The following SP100 variants were observed in gnomAD, a reference collection of about 807,000 sequenced individuals.
The protein encoded by SP100 is SP100 nuclear body protein.
Under a neutral mutation model 130.0 loss-of-function variants are expected in SP100, and 84 were observed. The ratio of observed to expected loss-of-function variants is 0.65; its 90% confidence interval spans 0.54 to 0.77. SP100 has a LOEUF of 0.77. SP100 is among the 30% of genes least tolerant of loss of function. SP100 has a pLI of 0.00. For missense variants in SP100, 978 were observed against 1,052.2 expected (o/e 0.93, Z 0.97); for synonymous variants, 331 against 351.7 (o/e 0.94, Z 0.66).
intron 19 of SP100, among the ~76,000 whole-genome samples, chr2:230,499,410 C>T (rs529558926): frequency 1.3e-4 from 17 of 134,760 alleles, no homozygotes; most frequent in African/African-American, 4.6e-4. Flanking sequence ...ACAAATTTGT[C>T]ATCTAAAAGA....
intron 2 of SP100, among the ~76,000 whole-genome samples, chr2:230,423,823 G>A (rs73095010): frequency 0.013 from 1,980 of 152,248 alleles, 50 homozygotes; most frequent in African/African-American, 0.042. Context: ...GGGGGAAGTC[G>A]TCCTCTGTCC....
intron 8 of SP100, among the ~76,000 whole-genome samples, chr2:230,458,267 A>C (rs1481214024): frequency 6.6e-6 from 1 of 152,252 alleles, no homozygotes; most frequent in Non-Finnish European, 1.5e-5. Context: ...CTCACAATGA[A>C]GTAAGATCTC....
At chr2:230,428,690 C>T (rs1186731720) in intron 2 of SP100, among the ~76,000 whole-genome samples, 1 of 152,074 alleles carries the variant, frequency 6.6e-6, no homozygotes, top group Non-Finnish European at 1.5e-5. Context: ...GATCCACCCA[C>T]CTCGGCCTCC....
intron 24 of SP100, among the ~76,000 whole-genome samples, chr2:230,514,363 A>G (rs1339041976): frequency 3.0e-5 from 3 of 100,116 alleles, no homozygotes; most frequent in Middle Eastern, 5.8e-3. Context: ...AGAATGGGGG[A>G]AAAAAAACCT....
rs537953315 is a variant in SP100 at position 230,430,260 on chromosome 2, C to T, written c.107+12595C>T. 2.6e-5 allele frequency among the ~76,000 whole-genome samples: 4 copies of T among 152,310 alleles called. No homozygotes were observed. In the South Asian group the frequency reaches 8.3e-4, roughly 32 times the overall value. On this transcript the variant is annotated intron_variant, in intron 2 of 28. Coordinates refer to ENST00000340126, the MANE Select transcript of SP100 (RefSeq NM_001080391.2). ...GGTTGGGTAAGGCCACTGCTGCTCT[C>T]TATGGTTGTTTGGATGTTTTGACTG...
chr2:230,444,578 A>T (rs552668779), intron 4 of SP100, among the ~76,000 whole-genome samples: 21 of 152,306 alleles, frequency 1.4e-4, no homozygotes, highest in African/African-American at 4.8e-4. Flanking sequence ...CCAGAGCCAC[A>T]CTGGCATCAG....
At chr2:230,422,826 C>G (rs907764506) in intron 2 of SP100, among the ~76,000 whole-genome samples, 2 of 152,160 alleles carry the variant, frequency 1.3e-5, no homozygotes, top group Non-Finnish European at 2.9e-5. Context: ...CCTACATGGT[C>G]ATGCCATATG....
intron 2 of SP100, among the ~76,000 whole-genome samples, chr2:230,421,091 A>G (rs10205096): frequency 0.49 from 74,745 of 151,894 alleles, 19,011 homozygotes; most frequent in Middle Eastern, 0.56. Context: ...GTCATCTACT[A>G]TATTATGATT....
rs768984941 is a variant in SP100 at position 230,498,569 on chromosome 2, C to T, written c.1720+34C>T. On this transcript the variant is annotated intron_variant, in intron 19 of 28. Coordinates refer to ENST00000340126, the MANE Select transcript of SP100 (RefSeq NM_001080391.2). ...AAAAAAATACATTTTAAATAAATAA[C>T]GTCTAAATTCTCATGCTCTTAGTAA... The T allele has an allele frequency of 2.7e-5, 32 of 1,168,392 alleles. No individual in the cohort carries two copies. In the South Asian group the frequency reaches 2.8e-4, roughly 10 times the overall value. 72.4% of individuals were successfully genotyped at this position (1,168,392 alleles called of 1,614,324 possible). A position where few individuals can be genotyped will look rare whatever the true frequency, so the allele number is the denominator to read the frequency against.
intron 8 of SP100, among the ~76,000 whole-genome samples, chr2:230,456,802 A>G (rs1031156974): frequency 6.6e-6 from 1 of 152,018 alleles, no homozygotes; most frequent in Non-Finnish European, 1.5e-5. Context: ...CATTTTGGTC[A>G]TTTATTGTCT....
At chr2:230,517,382 G>T (rs889257107) in intron 24 of SP100, among the ~76,000 whole-genome samples, 1 of 152,154 alleles carries the variant, frequency 6.6e-6, no homozygotes, top group African/African-American at 2.4e-5. Context: ...AAGTTGTATG[G>T]ATGTAAAAAT....
In SP100 at chr2:230,544,669, C is replaced by T. The variant is rs551926683; in HGVS notation, c.*1723C>T. On this transcript the variant is annotated 3_prime_UTR_variant, in exon 29 of 29. Transcript: ENST00000340126. ...GACTGATTTTGTATTTTAGTAGAGA[C>T]GGGGTTTCTCCACATTGGTCAGGCT... Among the ~76,000 whole-genome samples the T allele has an allele frequency of 3.3e-5, 5 of 152,046 alleles. No individual in the cohort carries two copies. The highest frequency in any genetic ancestry group is 2.1e-4 in the South Asian group (1 of 4,812).
chr2:230,420,455 G>T (rs565190509), intron 2 of SP100, among the ~76,000 whole-genome samples: 33 of 152,182 alleles, frequency 2.2e-4, no homozygotes, highest in African/African-American at 7.2e-4. Flanking sequence ...CAGTAAAAAT[G>T]AACATTTTAG....
intron 10 of SP100, among the ~76,000 whole-genome samples, chr2:230,463,368 T>C (rs1416267487): frequency 6.6e-6 from 1 of 152,222 alleles, no homozygotes; most frequent in African/African-American, 2.4e-5. Context: ...ATAACATAAG[T>C]ATGCAAATTG....
At position 230,521,080 on chromosome 2, in the gene SP100, G is replaced by A. The variant is rs576853958; in HGVS notation, c.2094+9914G>A. 1.1e-4 allele frequency among the ~76,000 whole-genome samples: 17 copies of A among 152,312 alleles called. No individual in the cohort carries two copies. The South Asian group carries it at 3.3e-3, about 30-fold the overall frequency. The stretch of plus-strand genomic sequence containing the variant: ...GAATCACAAGACCTTCCCAAGGTAG[G>A]TTAATCTGGAAGCCTGTTTACTTTT... On this transcript the variant is annotated intron_variant, in intron 24 of 28. Coordinates refer to ENST00000340126, the MANE Select transcript of SP100 (RefSeq NM_001080391.2).
At chr2:230,430,469 C>G (rs6748069) in intron 2 of SP100, among the ~76,000 whole-genome samples, 82,381 of 152,114 alleles carry the variant, frequency 0.54, 23,470 homozygotes, top group African/African-American at 0.7. Context: ...GTGCTTCAAA[C>G]TTTATCAGAG....
At chr2:230,483,315 G>A (rs2065916273) in intron 17 of SP100, among the ~76,000 whole-genome samples, 1 of 152,178 alleles carries the variant, frequency 6.6e-6, no homozygotes, top group South Asian at 2.1e-4. Flanking sequence ...TAAATGCAGT[G>A]AGGGACTAAG....
chr2:230,456,346 T>C (rs1326033220), intron 8 of SP100, among the ~76,000 whole-genome samples: 1 of 152,234 alleles, frequency 6.6e-6, no homozygotes, highest in East Asian at 1.9e-4. Flanking sequence ...ATTCTCTCTT[T>C]GTCCTTGAAT....
chr2:230,512,490 A>G (rs183940475), intron 24 of SP100, among the ~76,000 whole-genome samples: 38 of 151,518 alleles, frequency 2.5e-4, no homozygotes, highest in Admixed American at 2.4e-3. Flanking sequence ...GGGTTTTGTC[A>G]TGCTGATCAG....
Sources: gnomAD v4.1 joint callset for allele counts (sites outside exome capture counted in the v4.1 genomes callset) on GRCh38, gnomAD v4.1.1 for gene constraint, MANE v1.5 for transcripts, NCBI Gene and HGNC (gene_info 2026-07-23, HGNC 2026-07-21) for gene names.